Variants in ENY2 observed in about 807,000 individuals in gnomAD.
ENY2 encodes the protein transcription and mRNA export factor ENY2.
A neutral mutation model predicts 15.9 loss-of-function variants in ENY2; 4 were observed. The ratio of observed to expected loss-of-function variants is 0.25; its 90% CI spans 0.12 to 0.57. The LOEUF is 0.57. ENY2 is among the 20% of genes least tolerant of loss of function. The pLI, the probability that ENY2 is intolerant of heterozygous loss-of-function variation, is 0.91. For synonymous variants in ENY2, 48 were observed against 38.0 expected, an observed-to-expected ratio of 1.26 and a Z score of -0.97; for missense variants, 54 against 117.2, an observed-to-expected ratio of 0.46 and a Z score of 2.49.
At chr8:109,337,116 A>G (rs1280601998) in intron 2 of ENY2, among the ~76,000 whole-genome samples, 2 of 147,356 alleles carry the variant, frequency 1.4e-5, no homozygotes, top group Non-Finnish European at 3.0e-5. Flanking sequence ...TTTACACTTT[A>G]GGAATCTTAC....
At chr8:109,339,003 TG>T (rs973526313) in intron 2 of ENY2, 3 of 288,392 alleles carry the variant, frequency 1.0e-5, no homozygotes, top group Non-Finnish European at 2.0e-5. Context: ...ACAAGACCCA[TG>T]ATATTCCTGT....
chr8:109,334,808 A>G, intron 1 of ENY2: 2 of 404,758 alleles, frequency 4.9e-6, no homozygotes, highest in Admixed American at 4.2e-5. Context: ...TTTAGGAGCC[A>G]AGACGAGATC....
intron 2 of ENY2, chr8:109,338,509 A>T (rs749264945): frequency 7.2e-5 from 11 of 152,204 alleles, no homozygotes; most frequent in African/African-American, 9.7e-5. Flanking sequence ...TAAGATGAGA[A>T]TGTCACATAG....
Position 109,340,548 on chromosome 8 carries a change from A to G in ENY2, c.214A>G (p.Thr72Ala). ...VTVDDLVAEI[T>A]PKGRALVPDS... ...TGTTGATGACTTGGTGGCTGAAATC[A>G]CTCCAAAAGGCAGAGGTAAGGAATA... is the stretch of plus-strand genomic sequence containing the variant. Residue 72 changes from threonine (T) to alanine (A), a missense_variant, in exon 4 of 5, where the codon ACT becomes GCT. By Grantham distance (58) the Thr-to-Ala change is moderately conservative (BLOSUM62 0). Transcript: ENST00000521688. 1 of 1,613,510 alleles carries G rather than the reference A, an allele frequency of 6.2e-7. No individual in the cohort carries two copies. The highest frequency in any genetic ancestry group is 1.1e-5 in the South Asian group (1 of 91,068).
chr8:109,338,786 AC>A (rs1816049081), intron 2 of ENY2: 1 of 152,426 alleles, frequency 6.6e-6, no homozygotes, highest in African/African-American at 2.4e-5. Flanking sequence ...CAACGGTCTT[AC>A]AGTCAATGAA....
intron 4 of ENY2, among the ~76,000 whole-genome samples, 153 bp from the exon 5 acceptor site, chr8:109,343,247 ACTTTT>A (rs1169146066): frequency 1.3e-5 from 2 of 151,618 alleles, no homozygotes; most frequent in South Asian, 4.2e-4. Flanking sequence ...GCAAGAAGAC[ACTTTT>A]CTTTGTCAGA....
chr8:109,341,463 AATT>A (rs745826938), intron 4 of ENY2, among the ~76,000 whole-genome samples: 1 of 152,112 alleles, frequency 6.6e-6, no homozygotes, highest in Admixed American at 6.5e-5. Flanking sequence ...AAGGAAAAAA[AATT>A]ATTATTCCCC....
chr8:109,344,720 T>C lies in ENY2; in HGVS notation c.*1239T>C, dbSNP rs1169300443. The C allele has an allele frequency of 1.7e-4, 26 of 152,370 alleles. No individual in the cohort carries two copies. The highest frequency in any genetic ancestry group is 1.6e-3 in the Admixed American group (24 of 15,298). The allele number at this position is 152,370 out of a possible 1,614,324, so 9.4% of individuals were successfully genotyped here. A position where few individuals can be genotyped will look rare whatever the true frequency, so the allele number is the denominator to read the frequency against. ...CTGGCGAGTACCCAACTGGTGCTCA[T>C]GCTGCTGATTGAGAACCACTTCTGA... is the stretch of plus-strand genomic sequence containing the variant. On this transcript the variant is annotated 3_prime_UTR_variant, in exon 5 of 5. Transcript: ENST00000521688.
chr8:109,342,326 T>C (rs541745587), intron 4 of ENY2, among the ~76,000 whole-genome samples: 9 of 151,650 alleles, frequency 5.9e-5, no homozygotes, highest in African/African-American at 1.9e-4. Flanking sequence ...CTAAAACATA[T>C]ACCAGTTTAT....
intron 4 of ENY2, among the ~76,000 whole-genome samples, chr8:109,342,493 A>G (rs1015866588): frequency 2.8e-5 from 4 of 145,262 alleles, no homozygotes; most frequent in African/African-American, 7.7e-5. Context: ...ATATTTTTAT[A>G]TATGTATAAA....
At chr8:109,339,167 A>G (rs1816061173) in intron 2 of ENY2, 153 bp from the exon 3 acceptor site, 21 of 624,668 alleles carry the variant, frequency 3.4e-5, no homozygotes, top group Admixed American at 1.7e-4. Flanking sequence ...GAGATCAAAG[A>G]ACTATTTAGC....
Position 109,345,877 on chromosome 8 carries a change from T to G in ENY2, c.*2396T>G, listed in dbSNP as rs554814610. On this transcript the variant is annotated 3_prime_UTR_variant, in exon 5 of 5. Coordinates refer to ENST00000521688, the MANE Select transcript of ENY2 (RefSeq NM_020189.6). The stretch of plus-strand genomic sequence containing the variant: ...ACCTCTACCCCACCACCTGTAGGCT[T>G]CTTTGACAACTTACAAATGTTCTCT... 1 of 152,308 alleles carries G rather than the reference T, an allele frequency of 6.6e-6. No individual in the cohort carries two copies. Among genetic ancestry groups the G allele is most frequent in the Non-Finnish European group, 1.5e-5 (1 of 68,026 alleles). 9.4% of individuals were successfully genotyped at this position (152,308 alleles called of 1,614,324 possible). A position where few individuals can be genotyped will look rare whatever the true frequency, so the allele number is the denominator to read the frequency against.
intron 1 of ENY2, 170 bp downstream of exon 1, chr8:109,334,644 C>T: frequency 1.4e-6 from 1 of 695,530 alleles, no homozygotes; most frequent in Non-Finnish European, 2.3e-6. Context: ...TGTTTTCTGG[C>T]TCCTCCTCTC....
chr8:109,334,690 C>T (rs142678463), intron 1 of ENY2: 78 of 573,806 alleles, frequency 1.4e-4, no homozygotes, highest in Non-Finnish European at 2.1e-4. Flanking sequence ...GTTCTATTTT[C>T]CCTAAGAATG....
chr8:109,341,324 C>T (rs1477547573), intron 4 of ENY2, among the ~76,000 whole-genome samples: 1 of 152,046 alleles, frequency 6.6e-6, no homozygotes, highest in Non-Finnish European at 1.5e-5. Context: ...ATTATTACTA[C>T]AGAACATGAA....
intron 1 of ENY2, chr8:109,334,786 C>G (rs1032296869): frequency 2.2e-6 from 1 of 453,814 alleles, no homozygotes; most frequent in Admixed American, 4.0e-5. Context: ...TGTCCAAGGT[C>G]ACTATCCGTA....
Position 109,343,490 on chromosome 8 carries a change from T to C in ENY2, c.*9T>C. On this transcript the variant is annotated 3_prime_UTR_variant, in exon 5 of 5. Coordinates refer to ENST00000521688, the MANE Select transcript of ENY2 (RefSeq NM_020189.6). ...AGCATGCCAGCCTTTAAGATTGAATTAGATTGTGTTGTTGTGGTTTTATTT... is the reference window on the plus strand; with the variant it reads ...AGCATGCCAGCCTTTAAGATTGAATCAGATTGTGTTGTTGTGGTTTTATTT... 1 of 1,603,624 alleles carries C rather than the reference T, an allele frequency of 6.2e-7. No individual in the cohort carries two copies. Among genetic ancestry groups the C allele is most frequent in the Non-Finnish European group, 8.5e-7 (1 of 1,176,270 alleles).
intron 2 of ENY2, chr8:109,338,832 A>T (rs1816050437): frequency 6.5e-6 from 1 of 153,196 alleles, no homozygotes; most frequent in South Asian, 2.1e-4. Context: ...GAAGGGCCTG[A>T]TAGGCTGGGA....
At chr8:109,334,579 T>G (rs1428903579) in intron 1 of ENY2, 105 bp downstream of exon 1, 5 of 1,385,710 alleles carry the variant, frequency 3.6e-6, no homozygotes, top group Non-Finnish European at 4.8e-6. Context: ...CGCGGGCCTG[T>G]AGGGCTCTCC....
Sources: gnomAD v4.1 joint callset for allele counts (sites outside exome capture counted in the v4.1 genomes callset) on GRCh38, gnomAD v4.1.1 for gene constraint, MANE v1.5 for transcripts, NCBI Gene and HGNC (gene_info 2026-07-23, HGNC 2026-07-21) for gene names.